Variants in POU2F1 observed in about 807,000 individuals in gnomAD.
POU2F1 encodes the protein POU domain, class 2, transcription factor 1.
In POU2F1, 16 loss-of-function variants were observed where a neutral mutation model predicts 84.9. The ratio of observed to expected loss-of-function variants is 0.19; its 90% confidence interval spans 0.13 to 0.29. POU2F1 has a LOEUF of 0.29. Among genes scored for constraint, POU2F1 ranks in the 10% least tolerant of loss-of-function variants. The pLI, the probability that POU2F1 is intolerant of heterozygous loss-of-function variation, is 1.00. For synonymous variants in POU2F1, 368 were observed against 368.3 expected (o/e 1.00, Z 0.01); for missense variants, 738 against 942.6 (o/e 0.78, Z 2.84).
Position 167,384,076 on chromosome 1 carries a change from T to A in POU2F1, c.813+125T>A, listed in dbSNP as rs113664789. The A allele has an allele frequency of 2.2e-5, 17 of 756,118 alleles. 1 individual carries two copies. The highest frequency in any genetic ancestry group is 1.6e-4 in the African/African-American group (9 of 56,354). 46.8% of individuals were successfully genotyped at this position (756,118 alleles called of 1,614,324 possible). A position where few individuals can be genotyped will look rare whatever the true frequency, so the allele number is the denominator to read the frequency against. On this transcript the variant is annotated intron_variant, in intron 8 of 15. Transcript: ENST00000367866. ...CGGTCTTCGAAAACTGACCAGAAAA[T>A]CAAAGCTAGGCTTATCAGCTCAATG...
At position 167,412,082 on chromosome 1, in the gene POU2F1, C is replaced by T. The variant is rs1166338966; in HGVS notation, c.1679C>T (p.Ala560Val). ...SPSASASTSE[A>V]SSASETSTTQ... Reference sequence around the variant, plus strand: ...TCTGCCTCAGCCTCCACCTCCGAGGCATCCAGTGCCAGTGAGACCAGCACA... The same window carrying T: ...TCTGCCTCAGCCTCCACCTCCGAGGTATCCAGTGCCAGTGAGACCAGCACA... Residue 560 changes from alanine (A) to valine (V), a missense_variant, in exon 14 of 16, where the codon GCA becomes GTA. Physicochemically the swap from Ala to Val is moderately conservative, Grantham distance 64 (BLOSUM62 0). Transcript: ENST00000367866. 4 of 1,614,110 alleles carry T rather than the reference C, an allele frequency of 2.5e-6. No homozygotes were observed. The African/African-American group carries it at 4.0e-5, about 16-fold the overall frequency.
At chr1:167,352,194 C>G (rs1658628664) in intron 2 of POU2F1, among the ~76,000 whole-genome samples, 1 of 152,184 alleles carries the variant, frequency 6.6e-6, no homozygotes, top group Non-Finnish European at 1.5e-5. Context: ...AATGTATTCA[C>G]TATTAACATT....
chr1:167,221,420 G>C (rs1648155440), intron 1 of POU2F1, among the ~76,000 whole-genome samples: 1 of 149,540 alleles, frequency 6.7e-6, no homozygotes, highest in African/African-American at 2.4e-5. Flanking sequence ...CGGGCGGCCG[G>C]GGCCGGGCGG....
At chr1:167,287,682 G>T (rs1032628608) in intron 1 of POU2F1, among the ~76,000 whole-genome samples, 1 of 152,162 alleles carries the variant, frequency 6.6e-6, no homozygotes, top group Non-Finnish European at 1.5e-5. Flanking sequence ...GGTTCAAAAT[G>T]AATCTAATTG....
intron 13 of POU2F1, among the ~76,000 whole-genome samples, chr1:167,409,678 T>C (rs1185801539): frequency 6.6e-6 from 1 of 152,224 alleles, no homozygotes; most frequent in Non-Finnish European, 1.5e-5. Flanking sequence ...AAAATTTGAC[T>C]GGGATTTTCT....
At chr1:167,334,590 AGG>A (rs1657311379) in intron 2 of POU2F1, among the ~76,000 whole-genome samples, 1 of 152,172 alleles carries the variant, frequency 6.6e-6, no homozygotes, top group Non-Finnish European at 1.5e-5. Context: ...GACCTGTATA[AGG>A]TAAGTTCTGA....
intron 2 of POU2F1, among the ~76,000 whole-genome samples, chr1:167,339,468 T>C (rs547788638): frequency 3.5e-4 from 54 of 152,330 alleles, no homozygotes; most frequent in African/African-American, 1.3e-3. Flanking sequence ...TTACAAGGTT[T>C]GGTAGGAAAA....
chr1:167,317,254 C>T lies in POU2F1; in HGVS notation c.62-15216C>T, dbSNP rs547249353. 5.3e-5 allele frequency among the ~76,000 whole-genome samples: 8 copies of T among 152,312 alleles called. No homozygotes were observed. In the South Asian group the frequency reaches 1.0e-3, roughly 20 times the overall value. On this transcript the variant is annotated intron_variant, in intron 1 of 15. Transcript: ENST00000367866. ...TACTATATGGTCCTGTGTTAAAACT[C>T]TGTAGTGACCTATTCTTTTTCTCCC... is the stretch of plus-strand genomic sequence containing the variant.
At chr1:167,325,285 A>G (rs984162392) in intron 1 of POU2F1, among the ~76,000 whole-genome samples, 1 of 152,180 alleles carries the variant, frequency 6.6e-6, no homozygotes, top group African/African-American at 2.4e-5. Context: ...CAGTGGTGCT[A>G]AAAGATGCAG....
At chr1:167,264,782 T>C (rs1330763805) in intron 1 of POU2F1, among the ~76,000 whole-genome samples, 2 of 152,180 alleles carry the variant, frequency 1.3e-5, no homozygotes, top group Non-Finnish European at 2.9e-5. Context: ...ACCAACAGCC[T>C]ATTCTAGACA....
intron 1 of POU2F1, among the ~76,000 whole-genome samples, chr1:167,221,342 G>A (rs1405942454): frequency 1.3e-5 from 2 of 150,854 alleles, no homozygotes; most frequent in Non-Finnish European, 3.0e-5. Context: ...CGGGGCAGAG[G>A]GAGAGGACAA....
intron 1 of POU2F1, among the ~76,000 whole-genome samples, chr1:167,301,325 G>A (rs56841314): frequency 0.08 from 12,113 of 152,252 alleles, 1,561 homozygotes; most frequent in African/African-American, 0.27. Context: ...GTTAGTTACT[G>A]CTGTTGGGCT....
At position 167,279,875 on chromosome 1, in the gene POU2F1, A is replaced by T. The variant is rs544255445; in HGVS notation, c.62-52595A>T. 2.0e-5 allele frequency among the ~76,000 whole-genome samples: 3 copies of T among 152,316 alleles called. No individual in the cohort carries two copies. The East Asian group carries it at 5.8e-4, about 29-fold the overall frequency. On this transcript the variant is annotated intron_variant, in intron 1 of 15. Coordinates refer to ENST00000367866, the MANE Select transcript of POU2F1 (RefSeq NM_002697.4). ...TGGAAACTATGTTTGGAAACATAGGATAAGCACTCTGACTTGACAAAATGA... is the reference window on the plus strand; with the variant it reads ...TGGAAACTATGTTTGGAAACATAGGTTAAGCACTCTGACTTGACAAAATGA...
Position 167,389,680 on chromosome 1 carries a change from G to A in POU2F1, c.906G>A (p.Leu302=). The part of the protein sequence containing the change: ...STPKRIDTPS[L]EEPSDLEELE... ...CAAAGCGAATTGATACTCCCAGCTT[G>A]GAGGAGCCCAGTGACCTTGAGGAGC... Residue 302 remains leucine (L), a synonymous_variant, in exon 9 of 16, where the codon TTG becomes TTA. Transcript: ENST00000367866. 1.9e-6 allele frequency: 3 copies of A among 1,614,194 alleles called. No individual in the cohort carries two copies. The highest frequency in any genetic ancestry group is 2.5e-6 in the Non-Finnish European group (3 of 1,180,044).
chr1:167,278,563 A>G (rs1032718102), intron 1 of POU2F1, among the ~76,000 whole-genome samples: 14 of 152,218 alleles, frequency 9.2e-5, no homozygotes, highest in Non-Finnish European at 2.1e-4. Context: ...CGATGAAGAT[A>G]ATGTTACATT....
At chr1:167,239,714 G>A (rs945349295) in intron 1 of POU2F1, among the ~76,000 whole-genome samples, 4 of 152,146 alleles carry the variant, frequency 2.6e-5, no homozygotes, top group Non-Finnish European at 4.4e-5. Context: ...GAGTTTAGGT[G>A]CTTGGAATGA....
At chr1:167,326,486 T>G (rs1656714095) in intron 1 of POU2F1, among the ~76,000 whole-genome samples, 1 of 152,240 alleles carries the variant, frequency 6.6e-6, no homozygotes, top group South Asian at 2.1e-4. Context: ...CCAATCCATC[T>G]GTAGAGGCTT....
At chr1:167,391,878 G>A (rs1232877042) in intron 9 of POU2F1, among the ~76,000 whole-genome samples, 3 of 151,954 alleles carry the variant, frequency 2.0e-5, no homozygotes, top group Non-Finnish European at 4.4e-5. Context: ...ATTTCTTTGG[G>A]AATTCATTTT....
chr1:167,397,042 C>G (rs1271107586), intron 10 of POU2F1, among the ~76,000 whole-genome samples: 1 of 152,190 alleles, frequency 6.6e-6, no homozygotes, highest in South Asian at 2.1e-4. Flanking sequence ...ACCTGAAACA[C>G]GCATCCTTGG....
Sources: gnomAD v4.1 joint callset for allele counts (sites outside exome capture counted in the v4.1 genomes callset) on GRCh38, gnomAD v4.1.1 for gene constraint, MANE v1.5 for transcripts, NCBI Gene and HGNC (gene_info 2026-07-23, HGNC 2026-07-21) for gene names.